Variants in ABHD6 observed in about 807,000 individuals in gnomAD.
ABHD6 encodes abhydrolase domain containing 6, acylglycerol lipase.
ABHD6 carries 33 observed loss-of-function variants against 38.8 expected under a neutral mutation model. The ratio of observed to expected loss-of-function variants is 0.85; its 90% CI spans 0.64 to 1.14. ABHD6 has a LOEUF of 1.14. ABHD6 is among the 50% of genes most tolerant of loss of function. The probability of loss-of-function intolerance (pLI) is 0.00; values close to 1 mark genes in which losing one functional copy is unlikely to be tolerated. For synonymous variants in ABHD6, 147 were observed against 161.6 expected (o/e 0.91, Z 0.69); for missense variants, 380 against 422.6 (o/e 0.90, Z 0.88).
At chr3:58,247,897 A>G (rs1333412069) in intron 1 of ABHD6, among the ~76,000 whole-genome samples, 1 of 152,204 alleles carries the variant, frequency 6.6e-6, no homozygotes, top group Admixed American at 6.5e-5. Context: ...TTCGTTAAAT[A>G]TGCACATAGT....
At chr3:58,240,396 T>C (rs1389637577) in intron 1 of ABHD6, among the ~76,000 whole-genome samples, 1 of 151,966 alleles carries the variant, frequency 6.6e-6, no homozygotes, top group Non-Finnish European at 1.5e-5. Context: ...TCATACTTTT[T>C]ATGAAACTCC....
chr3:58,293,549 A>C lies in ABHD6; in HGVS notation c.838-40A>C. 2 of 1,606,120 alleles carry C rather than the reference A, an allele frequency of 1.2e-6. No individual in the cohort carries two copies. The highest frequency in any genetic ancestry group is 8.5e-7 in the Non-Finnish European group (1 of 1,175,134). ...CACAGAGTGCACACGTGGGTGTCTGAATCTTTGTGTATCATCCAGCTCCCT... is the reference window on the plus strand; with the variant it reads ...CACAGAGTGCACACGTGGGTGTCTGCATCTTTGTGTATCATCCAGCTCCCT... On this transcript the variant is annotated intron_variant, in intron 9 of 9. Coordinates refer to ENST00000478253, the MANE Select transcript of ABHD6 (RefSeq NM_001320126.2). This position sits in a 1 kb window ranked among gnomAD's most constrained non-coding sequence, Gnocchi z 4.4.
At chr3:58,243,608 A>C (rs2097424317) in intron 1 of ABHD6, among the ~76,000 whole-genome samples, 1 of 151,976 alleles carries the variant, frequency 6.6e-6, no homozygotes, top group South Asian at 2.1e-4. Context: ...CAGATTATTA[A>C]GTGTATCTAG....
intron 6 of ABHD6, among the ~76,000 whole-genome samples, chr3:58,274,370 G>T (rs761567876): frequency 1.3e-5 from 2 of 152,208 alleles, no homozygotes; most frequent in Non-Finnish European, 2.9e-5. Flanking sequence ...TGGTTCAAGA[G>T]GCTCAGGGAG....
intron 1 of ABHD6, among the ~76,000 whole-genome samples, chr3:58,248,436 GCCT>G: frequency 6.6e-6 from 1 of 152,152 alleles, no homozygotes; most frequent in Non-Finnish European, 1.5e-5. Context: ...GGTGGCTCAC[GCCT>G]GTAATCCCAG....
rs2097443450 is a variant in ABHD6 at position 58,269,690 on chromosome 3, T to C, written c.390+256T>C. Among the ~76,000 whole-genome samples the C allele has an allele frequency of 6.6e-6, 1 of 152,240 alleles. No individual in the cohort carries two copies. Among genetic ancestry groups the C allele is most frequent in the Non-Finnish European group, 1.5e-5 (1 of 68,024 alleles). On this transcript the variant is annotated intron_variant, in intron 5 of 9. Coordinates refer to ENST00000478253, the MANE Select transcript of ABHD6 (RefSeq NM_001320126.2). This position sits in a 1 kb window ranked among gnomAD's most constrained non-coding sequence, Gnocchi z 4.4. Reference sequence around the variant, plus strand: ...CAATCTGAGCATTTTCTCAACTCTTTGAAAAGGGGTTTAGAATTTCTTAAA... The same window carrying C: ...CAATCTGAGCATTTTCTCAACTCTTCGAAAAGGGGTTTAGAATTTCTTAAA...
intron 9 of ABHD6, among the ~76,000 whole-genome samples, chr3:58,288,881 T>C (rs894150444): frequency 1.3e-5 from 2 of 152,200 alleles, no homozygotes; most frequent in Non-Finnish European, 1.5e-5. Context: ...CTTTTTCCAT[T>C]AATGTTTTTT....
At chr3:58,261,120 C>G (rs2097436653) in intron 3 of ABHD6, among the ~76,000 whole-genome samples, 2 of 152,104 alleles carry the variant, frequency 1.3e-5, no homozygotes, top group African/African-American at 4.8e-5. Flanking sequence ...ATGAGAAAGA[C>G]TGAGATTTTC....
At chr3:58,278,329 G>A (rs1326465131) in intron 7 of ABHD6, among the ~76,000 whole-genome samples, 1 of 152,106 alleles carries the variant, frequency 6.6e-6, no homozygotes, top group Non-Finnish European at 1.5e-5. Context: ...TTTAGTCTTG[G>A]GAGGGTGTAT....
At chr3:58,258,733 C>T (rs1267035580) in intron 3 of ABHD6, 1 of 153,464 alleles carries the variant, frequency 6.5e-6, no homozygotes, top group East Asian at 1.9e-4. Context: ...CTTTCTGGCT[C>T]CTTTTTGCTT....
chr3:58,273,218 A>G lies in ABHD6; in HGVS notation c.524-1440A>G, dbSNP rs891356339. ...TTTGCAAAGCGTGGGTTTCTGCATCACGACCAATATTATTGATGCTACTGC... is the reference window on the plus strand; with the variant it reads ...TTTGCAAAGCGTGGGTTTCTGCATCGCGACCAATATTATTGATGCTACTGC... On this transcript the variant is annotated intron_variant, in intron 6 of 9. Coordinates refer to ENST00000478253, the MANE Select transcript of ABHD6 (RefSeq NM_001320126.2). The surrounding 1 kb of genome is among the most constrained non-coding windows in gnomAD (Gnocchi z 4.8). Among the ~76,000 whole-genome samples the G allele has an allele frequency of 1.3e-4, 20 of 152,112 alleles. No individual in the cohort carries two copies. The highest frequency in any genetic ancestry group is 4.1e-4 in the South Asian group (2 of 4,832).
At chr3:58,246,001 A>G (rs572763852) in intron 1 of ABHD6, among the ~76,000 whole-genome samples, 96 of 152,184 alleles carry the variant, frequency 6.3e-4, no homozygotes, top group Non-Finnish European at 1.3e-3. Context: ...CCTTTCAGCC[A>G]TGTGGCAAAT....
rs1044972921 is a variant in ABHD6 at position 58,259,230 on chromosome 3, A to G, written c.119+2525A>G. 6.6e-6 allele frequency among the ~76,000 whole-genome samples: 1 copy of G among 152,284 alleles called. No homozygotes were observed. Among genetic ancestry groups the G allele is most frequent in the East Asian group, 1.9e-4 (1 of 5,188 alleles). The stretch of plus-strand genomic sequence containing the variant: ...AGCCTCAATGCTGCATAGTCCCCCA[A>G]CAGTTCCCTGGGCTGTCGAGGAGAA... On this transcript the variant is annotated intron_variant, in intron 3 of 9. Coordinates refer to ENST00000478253, the MANE Select transcript of ABHD6 (RefSeq NM_001320126.2). This position sits in a 1 kb window ranked among gnomAD's most constrained non-coding sequence, Gnocchi z 4.7.
chr3:58,239,587 G>T (rs1267294233), intron 1 of ABHD6, among the ~76,000 whole-genome samples: 1 of 152,040 alleles, frequency 6.6e-6, no homozygotes, highest in Non-Finnish European at 1.5e-5. Flanking sequence ...ATTATCCATT[G>T]TCTTTGTAGT....
At chr3:58,262,105 T>C (rs1205053538) in intron 3 of ABHD6, among the ~76,000 whole-genome samples, 2 of 152,114 alleles carry the variant, frequency 1.3e-5, no homozygotes, top group Non-Finnish European at 2.9e-5. Context: ...AGGACAAATT[T>C]TGTATGATTC....
intron 7 of ABHD6, among the ~76,000 whole-genome samples, chr3:58,280,426 G>T (rs565761890): frequency 6.6e-6 from 1 of 152,094 alleles, no homozygotes; most frequent in Admixed American, 6.6e-5. Context: ...TCGTGCCATG[G>T]TTTTCAGCTC....
rs1421421664 is a variant in ABHD6, at chr3:58,263,883, C to T, written c.120-3306C>T. ...GGTAACACAAAGAAAATGTAAATTA[C>T]CCATAACCCCTGGAATAATTAATTT... is the stretch of plus-strand genomic sequence containing the variant. On this transcript the variant is annotated intron_variant, in intron 3 of 9. Transcript: ENST00000478253. This position sits in a 1 kb window ranked among gnomAD's most constrained non-coding sequence, Gnocchi z 4.9. Among the ~76,000 whole-genome samples the T allele has an allele frequency of 1.3e-5, 2 of 152,114 alleles. No individual in the cohort carries two copies. Among genetic ancestry groups the T allele is most frequent in the Admixed American group, 6.5e-5 (1 of 15,272 alleles).
Position 58,285,269 on chromosome 3 carries a change from G to A in ABHD6, c.737-84G>A. 9 of 1,528,484 alleles carry A rather than the reference G, an allele frequency of 5.9e-6. No individual in the cohort carries two copies. The highest frequency in any genetic ancestry group is 8.2e-6 in the Non-Finnish European group (9 of 1,102,712). The allele number at this position is 1,528,484 out of a possible 1,614,324, so 94.7% of individuals were successfully genotyped here. A position where few individuals can be genotyped will look rare whatever the true frequency, so the allele number is the denominator to read the frequency against. On this transcript the variant is annotated intron_variant, in intron 8 of 9. Transcript: ENST00000478253. This position sits in a 1 kb window ranked among gnomAD's most constrained non-coding sequence, Gnocchi z 4.9. The stretch of plus-strand genomic sequence containing the variant: ...CCTGAAGAGAGGAAGTGGTGGCCTG[G>A]ATCTGGTGACTATCCCTTGATTCTG...
intron 3 of ABHD6, among the ~76,000 whole-genome samples, chr3:58,264,135 TTATC>T (rs1417541636): frequency 1.3e-5 from 2 of 152,218 alleles, no homozygotes; most frequent in African/African-American, 4.8e-5. Context: ...ATATGGTAGT[TTATC>T]TAATATATTT....
Sources: gnomAD v4.1 joint callset for allele counts (sites outside exome capture counted in the v4.1 genomes callset) on GRCh38, gnomAD v4.1.1 for gene constraint, Gnocchi (gnomAD v3.1) non-coding constraint, MANE v1.5 for transcripts, NCBI Gene and HGNC (gene_info 2026-07-23, HGNC 2026-07-21) for gene names.